ZNF804A: variants seen among roughly 807,000 people sequenced by gnomAD.
ZNF804A encodes the protein zinc finger protein 804A.
A neutral mutation model predicts 16.5 loss-of-function variants in ZNF804A; 2 were observed. The observed-to-expected ratio is 0.12, with a 90% CI of 0.05 to 0.38. The LOEUF (loss-of-function observed/expected upper bound fraction) is 0.38. Among genes scored for constraint, ZNF804A ranks in the 10% least tolerant of loss-of-function variants. The pLI, the probability that ZNF804A is intolerant of heterozygous loss-of-function variation, is 0.99. For missense variants in ZNF804A, 1,473 were observed against 1,390.7 expected (o/e 1.06, Z -0.94); for synonymous variants, 534 against 489.6 (o/e 1.09, Z -1.20).
intron 2 of ZNF804A, among the ~76,000 whole-genome samples, chr2:184,912,550 A>G (rs1362817854): frequency 6.6e-6 from 1 of 152,090 alleles, no homozygotes; most frequent in Non-Finnish European, 1.5e-5. Flanking sequence ...TGGCTGCACC[A>G]ATTTACATTG....
intron 1 of ZNF804A, among the ~76,000 whole-genome samples, chr2:184,772,265 CAAAA>C (rs71403989): frequency 1.5e-5 from 2 of 132,146 alleles, no homozygotes; most frequent in Admixed American, 7.7e-5. Flanking sequence ...TCCCCTTGAC[CAAAA>C]AAAAAAAAAA....
chr2:184,859,371 A>G (rs2105807856), intron 1 of ZNF804A, among the ~76,000 whole-genome samples: 1 of 151,810 alleles, frequency 6.6e-6, no homozygotes, highest in South Asian at 2.1e-4. Context: ...GTTGTGGTAA[A>G]TTCTGCTGTT....
chr2:184,815,852 A>C (rs1437925239), intron 1 of ZNF804A, among the ~76,000 whole-genome samples: 1 of 152,042 alleles, frequency 6.6e-6, no homozygotes, highest in Non-Finnish European at 1.5e-5. Context: ...TCTGGAGTGC[A>C]TGTAAAAAAA....
chr2:184,773,039 TA>T (rs1416122590), intron 1 of ZNF804A, among the ~76,000 whole-genome samples: 1 of 149,192 alleles, frequency 6.7e-6, no homozygotes, highest in Non-Finnish European at 1.5e-5. Context: ...TATATGTGTA[TA>T]TATATATTTT....
chr2:184,901,392 G>A (rs1485231524), intron 2 of ZNF804A, among the ~76,000 whole-genome samples: 1 of 152,198 alleles, frequency 6.6e-6, no homozygotes, highest in East Asian at 1.9e-4. Context: ...GGCTTATATG[G>A]GACCTTTACA....
intron 1 of ZNF804A, among the ~76,000 whole-genome samples, chr2:184,801,294 C>A (rs1694722802): frequency 6.6e-6 from 1 of 152,038 alleles, no homozygotes; most frequent in Non-Finnish European, 1.5e-5. Context: ...ATTTATCCTG[C>A]TTGGTGTTCT....
At chr2:184,891,798 T>A (rs965158309) in intron 2 of ZNF804A, among the ~76,000 whole-genome samples, 1 of 152,220 alleles carries the variant, frequency 6.6e-6, no homozygotes, top group Non-Finnish European at 1.5e-5. Flanking sequence ...AATATTTACA[T>A]TTTAAAGAGG....
At chr2:184,849,262 C>G (rs370438927) in intron 1 of ZNF804A, among the ~76,000 whole-genome samples, 108 of 152,080 alleles carry the variant, frequency 7.1e-4, no homozygotes, top group African/African-American at 2.5e-3. Context: ...TTGCAAGCTC[C>G]CATACCATGA....
intron 2 of ZNF804A, among the ~76,000 whole-genome samples, chr2:184,878,799 A>G (rs148345359): frequency 1.1e-4 from 17 of 152,050 alleles, no homozygotes; most frequent in Non-Finnish European, 2.4e-4. Context: ...AATGAGCCCT[A>G]TTATTATTGT....
At chr2:184,674,377 T>C (rs2105714552) in intron 1 of ZNF804A, among the ~76,000 whole-genome samples, 1 of 152,094 alleles carries the variant, frequency 6.6e-6, no homozygotes, top group South Asian at 2.1e-4. Context: ...GAAGAAGATG[T>C]ATTACTATGA....
chr2:184,646,751 A>G (rs563145743), intron 1 of ZNF804A, among the ~76,000 whole-genome samples: 93 of 152,342 alleles, frequency 6.1e-4, no homozygotes, highest in Admixed American at 1.6e-3. Context: ...AGTTAACTTG[A>G]GGCCATGGAG....
intron 2 of ZNF804A, among the ~76,000 whole-genome samples, chr2:184,878,105 A>C (rs1684738951): frequency 6.6e-6 from 1 of 152,094 alleles, no homozygotes; most frequent in African/African-American, 2.4e-5. Context: ...GTTATGCAAC[A>C]AGTTTGTTGG....
chr2:184,766,597 T>C (rs1055888779), intron 1 of ZNF804A, among the ~76,000 whole-genome samples: 1 of 151,174 alleles, frequency 6.6e-6, no homozygotes, highest in African/African-American at 2.4e-5. Context: ...GATATGACTG[T>C]CTTGTAAAAA....
chr2:184,889,552 C>G (rs999231410), intron 2 of ZNF804A, among the ~76,000 whole-genome samples: 5 of 151,790 alleles, frequency 3.3e-5, no homozygotes. Flanking sequence ...AAAATAATAA[C>G]ATTTGAAATA....
intron 1 of ZNF804A, among the ~76,000 whole-genome samples, chr2:184,669,919 C>T (rs956365579): frequency 6.6e-6 from 1 of 152,032 alleles, no homozygotes; most frequent in Non-Finnish European, 1.5e-5. Context: ...TTCTTCCATT[C>T]TCTTACTAAG....
At position 184,675,038 on chromosome 2, in the gene ZNF804A, G is replaced by A. The variant is rs115747573; in HGVS notation, c.111+75968G>A. On this transcript the variant is annotated intron_variant, in intron 1 of 3. Coordinates refer to ENST00000302277, the MANE Select transcript of ZNF804A (RefSeq NM_194250.2). The stretch of plus-strand genomic sequence containing the variant: ...CTTAGTTATGTATATACGTATGTGC[G>A]TGAACATGGCTGTACATGCACATAA... Among the ~76,000 whole-genome samples, 251 of 151,790 alleles carry A rather than the reference G, an allele frequency of 1.7e-3. 1 individual carries two copies. Among genetic ancestry groups the A allele is most frequent in the Middle Eastern group, 3.4e-3 (1 of 292 alleles).
intron 1 of ZNF804A, among the ~76,000 whole-genome samples, chr2:184,630,256 C>T (rs185326423): frequency 5.3e-5 from 8 of 152,140 alleles, no homozygotes; most frequent in Admixed American, 3.9e-4. Context: ...AAAGATAATT[C>T]GTTCAACTGC....
At chr2:184,825,361 G>T (rs138487522) in intron 1 of ZNF804A, among the ~76,000 whole-genome samples, 2,072 of 152,204 alleles carry the variant, frequency 0.014, 58 homozygotes, top group African/African-American at 0.047. Flanking sequence ...GATTGTTTTT[G>T]CCCTTTTTTT....
chr2:184,887,502 T>C (rs1038492071), intron 2 of ZNF804A, among the ~76,000 whole-genome samples: 6 of 152,212 alleles, frequency 3.9e-5, no homozygotes, highest in African/African-American at 1.4e-4. Context: ...TAGTCCTTTT[T>C]CACACTGTTG....
Sources: allele counts gnomAD v4.1 joint callset (sites outside exome capture counted in the v4.1 genomes callset), GRCh38; gene constraint gnomAD v4.1.1; transcripts MANE v1.5; gene names NCBI Gene and HGNC (gene_info 2026-07-23, HGNC 2026-07-21).